AGO3: variants seen among roughly 807,000 people sequenced by gnomAD.
The protein encoded by AGO3 is argonaute RISC catalytic component 3.
A neutral mutation model predicts 105.5 loss-of-function variants in AGO3; 16 were observed. That is an observed-to-expected ratio of 0.15 (90% CI 0.10 to 0.23). The LOEUF is 0.23. Ranked by LOEUF, AGO3 falls within the 10% of genes least tolerant of loss-of-function variation. AGO3 has a pLI of 1.00. For missense variants in AGO3, 534 were observed against 1,088.0 expected, an observed-to-expected ratio of 0.49 and a Z score of 7.16; for synonymous variants, 340 against 367.3, an observed-to-expected ratio of 0.93 and a Z score of 0.85.
intron 11 of AGO3, among the ~76,000 whole-genome samples, chr1:36,025,381 G>T: frequency 7.0e-6 from 1 of 142,308 alleles, no homozygotes. Context: ...ACAATGCTAT[G>T]ATTATCTTAT....
intron 2 of AGO3, among the ~76,000 whole-genome samples, chr1:35,960,532 G>C (rs1407659611): frequency 6.6e-6 from 1 of 151,870 alleles, no homozygotes; most frequent in Non-Finnish European, 1.5e-5. Flanking sequence ...ATTTGGCCAG[G>C]CACAGTGGCT....
rs567572706 is a variant in AGO3 at position 36,046,147 on chromosome 1, A to C, written c.2274+2599A>C. ...TCTTGGGGAGTTGCCTGGAGTCCAC[A>C]TAAGTGTACCCTCCCAACCCGAGAA... On this transcript the variant is annotated intron_variant, in intron 17 of 18. Coordinates refer to ENST00000373191, the MANE Select transcript of AGO3 (RefSeq NM_024852.4). Among the ~76,000 whole-genome samples the C allele has an allele frequency of 4.6e-5, 7 of 152,294 alleles. No individual in the cohort carries two copies. In the South Asian group the frequency reaches 1.5e-3, roughly 32 times the overall value.
chr1:36,059,104 T>C lies in AGO3; in HGVS notation c.*3359T>C, dbSNP rs993215073. On this transcript the variant is annotated 3_prime_UTR_variant, in exon 19 of 19. Coordinates refer to ENST00000373191, the MANE Select transcript of AGO3 (RefSeq NM_024852.4). ...ATTTAAATCTATTTGGAAGGACTTTTTTAAGAGGAAAAATATTTTTTCTAA... is the reference window on the plus strand; with the variant it reads ...ATTTAAATCTATTTGGAAGGACTTTCTTAAGAGGAAAAATATTTTTTCTAA... 2.0e-5 allele frequency: 3 copies of C among 152,166 alleles called. No individual in the cohort carries two copies. Among genetic ancestry groups the C allele is most frequent in the African/African-American group, 7.2e-5 (3 of 41,450 alleles). 9.4% of individuals were successfully genotyped at this position (152,166 alleles called of 1,614,324 possible).
intron 3 of AGO3, 136 bp downstream of exon 3, chr1:35,967,211 A>G: frequency 1.6e-6 from 2 of 1,240,784 alleles, no homozygotes; most frequent in African/African-American, 1.5e-5. Context: ...TTGTTTTGAA[A>G]TAATTTCAAA....
rs1643032432 is a variant in AGO3, at chr1:36,062,032, G to A, written c.*6287G>A. The A allele has an allele frequency of 6.6e-6, 1 of 152,076 alleles. No individual in the cohort carries two copies. The highest frequency in any genetic ancestry group is 2.1e-4 in the South Asian group (1 of 4,830). 9.4% of individuals were successfully genotyped at this position (152,076 alleles called of 1,614,324 possible). A position where few individuals can be genotyped will look rare whatever the true frequency, so the allele number is the denominator to read the frequency against. On this transcript the variant is annotated 3_prime_UTR_variant, in exon 19 of 19. Coordinates refer to ENST00000373191, the MANE Select transcript of AGO3 (RefSeq NM_024852.4). ...CCTCTTTTAATTCCCAACTGTGTTG[G>A]AGGAAATCCATAATGCACATAAAAC...
chr1:36,023,221 A>C (rs779646374), intron 11 of AGO3, among the ~76,000 whole-genome samples: 13 of 152,160 alleles, frequency 8.5e-5, no homozygotes, highest in Non-Finnish European at 1.8e-4. Flanking sequence ...AAATCCATGG[A>C]GCTTCAGAAT....
chr1:36,032,844 G>C (rs555966677), intron 12 of AGO3, among the ~76,000 whole-genome samples: 6 of 152,028 alleles, frequency 3.9e-5, no homozygotes, highest in African/African-American at 1.2e-4. Context: ...ACAGAAATTG[G>C]CTGGGCGTAG....
At chr1:36,030,519 A>AGAG (rs1553169228) in intron 12 of AGO3, among the ~76,000 whole-genome samples, 2 of 151,780 alleles carry the variant, frequency 1.3e-5, no homozygotes, top group African/African-American at 4.9e-5. Flanking sequence ...AAAAAAAAAA[A>AGAG]AGAGAGAAGA....
At chr1:35,943,374 T>C (rs1428770149) in intron 1 of AGO3, among the ~76,000 whole-genome samples, 3 of 148,218 alleles carry the variant, frequency 2.0e-5, no homozygotes, top group Non-Finnish European at 4.4e-5. Flanking sequence ...CAATCTCGGC[T>C]CACTGCAGCT....
intron 12 of AGO3, among the ~76,000 whole-genome samples, chr1:36,029,696 CT>C (rs370133222): frequency 1.5e-3 from 187 of 122,956 alleles, no homozygotes; most frequent in Non-Finnish European, 1.6e-3. Flanking sequence ...ATGCCCGGCC[CT>C]TTTTTTTTTT....
At chr1:35,988,582 C>G (rs1004916361) in intron 5 of AGO3, among the ~76,000 whole-genome samples, 2 of 151,838 alleles carry the variant, frequency 1.3e-5, no homozygotes, top group Non-Finnish European at 2.9e-5. Flanking sequence ...CCTCCAGGTT[C>G]ATCCATGTTG....
intron 13 of AGO3, among the ~76,000 whole-genome samples, chr1:36,034,692 A>T (rs1297557773): frequency 1.3e-5 from 2 of 152,242 alleles, no homozygotes; most frequent in African/African-American, 4.8e-5. Flanking sequence ...GAAAGTATCC[A>T]GTGCTTTATT....
At position 36,008,770 on chromosome 1, in the gene AGO3, C is replaced by A; in HGVS notation, c.874C>A (p.His292Asn). Reference sequence around the variant, plus strand: ...TAATGTAACAAGGAGGCCTGCCAGTCATCAAACGTAAGAAAAGTTTGTCAG... The same window carrying A: ...TAATGTAACAAGGAGGCCTGCCAGTAATCAAACGTAAGAAAAGTTTGTCAG... Reference protein sequence around the residue: ...VCNVTRRPASHQTFPLQLENG... With the variant: ...VCNVTRRPASNQTFPLQLENG... The change falls in exon 7 of 19, where the codon CAT (histidine) becomes AAT (asparagine). Residue 292 changes from histidine to asparagine, a missense_variant. This residue lies in a region of AGO3 where 373 missense variants were observed against 854.0 expected (regional missense o/e 0.44). Coordinates refer to ENST00000373191, the MANE Select transcript of AGO3 (RefSeq NM_024852.4). The surrounding 1 kb of genome is among the most constrained non-coding windows in gnomAD (Gnocchi z 5.1). 6.2e-7 allele frequency: 1 copy of A among 1,614,104 alleles called. No homozygotes were observed. The highest frequency in any genetic ancestry group is 1.1e-5 in the South Asian group (1 of 91,040).
At chr1:35,982,864 T>A (rs751704135) in intron 5 of AGO3, 10 of 455,614 alleles carry the variant, frequency 2.2e-5, no homozygotes, top group Non-Finnish European at 3.9e-5. Context: ...TTTACTAGAT[T>A]TTTGAAAGAA....
rs1429001411 is a variant in AGO3, at chr1:35,931,155, G to A, written c.-272G>A. On this transcript the variant is annotated 5_prime_UTR_variant, in exon 1 of 19. Coordinates refer to ENST00000373191, the MANE Select transcript of AGO3 (RefSeq NM_024852.4). ...GTGGAGGAGCGGTGGGAGCGTCGGC[G>A]GCCGCGGGCGATGCAACTTCCGGAC... 2.3e-5 allele frequency: 9 copies of A among 397,214 alleles called. No homozygotes were observed. Among genetic ancestry groups the A allele is most frequent in the African/African-American group, 8.3e-5 (4 of 48,378 alleles). The allele number at this position is 397,214 out of a possible 1,614,324, so 24.6% of individuals were successfully genotyped here. A position where few individuals can be genotyped will look rare whatever the true frequency, so the allele number is the denominator to read the frequency against.
At chr1:36,050,720 A>AGGC (rs2148861171) in intron 17 of AGO3, among the ~76,000 whole-genome samples, 1 of 147,460 alleles carries the variant, frequency 6.8e-6, no homozygotes, top group East Asian at 2.1e-4. Flanking sequence ...TGAACCCAGG[A>AGGC]GGCAGAGATT....
At chr1:36,029,992 C>T (rs1449850962) in intron 12 of AGO3, among the ~76,000 whole-genome samples, 1 of 151,990 alleles carries the variant, frequency 6.6e-6, no homozygotes, top group Non-Finnish European at 1.5e-5. Context: ...TGCGCCTGGC[C>T]CCTAAATTTC....
chr1:36,038,503 C>CCCGT (rs1345732634), intron 14 of AGO3, among the ~76,000 whole-genome samples: 1 of 152,062 alleles, frequency 6.6e-6, no homozygotes, highest in Non-Finnish European at 1.5e-5. Context: ...GATTCGCCCA[C>CCCGT]CTCGGCCTCC....
chr1:35,946,872 G>C (rs1489133292), intron 2 of AGO3, among the ~76,000 whole-genome samples: 1 of 152,150 alleles, frequency 6.6e-6, no homozygotes, highest in African/African-American at 2.4e-5. Flanking sequence ...ACAGTTGAAA[G>C]GAACCTCTTA....
Sources: gnomAD v4.1 joint callset for allele counts (sites outside exome capture counted in the v4.1 genomes callset) on GRCh38, gnomAD v4.1.1 for gene constraint, gnomAD v4.1.1 regional missense constraint, Gnocchi (gnomAD v3.1) non-coding constraint, MANE v1.5 for transcripts, NCBI Gene and HGNC (gene_info 2026-07-23, HGNC 2026-07-21) for gene names.